The following LATS1 variants were observed in gnomAD, a reference collection of about 807,000 sequenced individuals.
The protein encoded by LATS1 is large tumor suppressor kinase 1.
A neutral mutation model predicts 106.6 loss-of-function variants in LATS1; 25 were observed. The ratio of observed to expected loss-of-function variants is 0.23; its 90% confidence interval spans 0.17 to 0.33. LATS1 has a LOEUF of 0.33. Ranked by LOEUF, LATS1 falls within the 10% of genes least tolerant of loss-of-function variation. The pLI, the probability that LATS1 is intolerant of heterozygous loss-of-function variation, is 1.00. For synonymous variants in LATS1, 465 were observed against 455.6 expected (o/e 1.02, Z -0.26); for missense variants, 1,040 against 1,382.6 (o/e 0.75, Z 3.93).
Position 149,661,759 on chromosome 6 carries a change from C to A in LATS1, c.3363G>T (p.Glu1121Asp), listed in dbSNP as rs758389439. ...CATATACTAGATCGCGATTTTTAATCTCTGAGCCTGTGTTTTGATCATCTT... is the reference window on the plus strand; with the variant it reads ...CATATACTAGATCGCGATTTTTAATATCTGAGCCTGTGTTTTGATCATCTT... ...SDEDDQNTGS[E>D]IKNRDLVYV The change falls in exon 8 of 8, where the codon GAG becomes GAT. Residue 1121 changes from glutamate (E) to aspartate (D), a missense_variant. Around this residue, in one of 7 missense-constraint regions of LATS1, gnomAD observed 46 missense variants for 42.4 expected, o/e 1.09. Transcript: ENST00000543571. 7 of 1,580,012 alleles carry A rather than the reference C, an allele frequency of 4.4e-6. No individual in the cohort carries two copies. The highest frequency in any genetic ancestry group is 1.9e-5 in the Admixed American group (1 of 52,700).
chr6:149,664,992 C>A (rs536633220), intron 7 of LATS1, among the ~76,000 whole-genome samples: 1 of 152,148 alleles, frequency 6.6e-6, no homozygotes, highest in Non-Finnish European at 1.5e-5. Context: ...CTGGTAGCAA[C>A]GGAGGTGGCA....
intron 3 of LATS1, among the ~76,000 whole-genome samples, chr6:149,693,736 A>G: frequency 6.6e-6 from 1 of 152,178 alleles, no homozygotes; most frequent in Middle Eastern, 3.2e-3. Context: ...GACAAAAATA[A>G]TAATACCGAG....
In LATS1 at chr6:149,683,059, G is replaced by C. The variant is rs1359409011; in HGVS notation, c.2010+20C>G. On this transcript the variant is annotated intron_variant, in intron 4 of 7. Transcript: ENST00000543571. ...AAACAGATGATTAAGTATAAAAATG[G>C]ACATTTTAAAAGGTTTTACCCGCAT... is the stretch of plus-strand genomic sequence containing the variant. 3 of 1,575,306 alleles carry C rather than the reference G, an allele frequency of 1.9e-6. No homozygotes were observed. In the South Asian group the frequency reaches 3.5e-5, roughly 18 times the overall value.
chr6:149,703,211 G>C (rs1783567970), intron 1 of LATS1, among the ~76,000 whole-genome samples: 1 of 151,996 alleles, frequency 6.6e-6, no homozygotes. Context: ...CTGGCCTCAA[G>C]TGATTCACCT....
At chr6:149,706,259 T>TTGGGAGGCCAAAG (rs1783767675) in intron 1 of LATS1, among the ~76,000 whole-genome samples, 1 of 134,632 alleles carries the variant, frequency 7.4e-6, no homozygotes, top group Admixed American at 7.9e-5. Flanking sequence ...TCCCAACACT[T>TTGGGAGGCCAAAG]TGGGAGGCCA....
rs945263982 is a variant in LATS1, at chr6:149,682,990, G to T, written c.2010+89C>A. ...AATATATTTTATTTAGCTATAAAAA[G>T]AAAGAAAAATACTGGACACAATATT... On this transcript the variant is annotated intron_variant, in intron 4 of 7. Coordinates refer to ENST00000543571, the MANE Select transcript of LATS1 (RefSeq NM_004690.4). 4.9e-6 allele frequency: 5 copies of T among 1,027,512 alleles called. No homozygotes were observed. In the African/African-American group the frequency reaches 4.9e-5, roughly 10 times the overall value. The allele number at this position is 1,027,512 out of a possible 1,614,324, so 63.6% of individuals were successfully genotyped here.
At chr6:149,678,331 G>A (rs1390739388) in intron 5 of LATS1, among the ~76,000 whole-genome samples, 2 of 150,422 alleles carry the variant, frequency 1.3e-5, no homozygotes, top group African/African-American at 4.9e-5. Flanking sequence ...GCAACAGAGC[G>A]AGACTCCGTC....
At chr6:149,680,551 G>A in intron 4 of LATS1, 94 bp from the exon 5 acceptor site, 4 of 816,740 alleles carry the variant, frequency 4.9e-6, no homozygotes, top group South Asian at 1.9e-5. Context: ...TATATTTAAA[G>A]GTTAAATGCA....
At chr6:149,673,502 A>C (rs943087266) in intron 7 of LATS1, among the ~76,000 whole-genome samples, 2 of 151,942 alleles carry the variant, frequency 1.3e-5, no homozygotes, top group African/African-American at 4.8e-5. Context: ...GGGAGAAAGC[A>C]TACAATTTTT....
Position 149,684,075 on chromosome 6 carries a change from A to G in LATS1, c.1014T>C (p.Phe338=), listed in dbSNP as rs1782219461. 6.2e-7 allele frequency: 1 copy of G among 1,614,170 alleles called. No homozygotes were observed. The highest frequency in any genetic ancestry group is 8.5e-7 in the Non-Finnish European group (1 of 1,180,026). Residue 338 remains phenylalanine (F), a synonymous_variant, in exon 4 of 8, where the codon TTT becomes TTC. Transcript: ENST00000543571. ...TTCCAGGTCTCCCTGATGGAAAGTT[A>G]AATTTGCTAGAACTCTGCATGATGA... ...QPIIMQSSSK[F]NFPSGRPGMQ... is the part of the protein sequence containing the mutation.
intron 7 of LATS1, among the ~76,000 whole-genome samples, chr6:149,666,174 T>C (rs1024182365): frequency 5.5e-5 from 8 of 144,418 alleles, no homozygotes; most frequent in African/African-American, 1.8e-4. Flanking sequence ...CAGAGTCTCA[T>C]AACATATTAT....
intron 3 of LATS1, among the ~76,000 whole-genome samples, chr6:149,688,340 G>C (rs969850462): frequency 6.6e-6 from 1 of 151,422 alleles, no homozygotes; most frequent in Non-Finnish European, 1.5e-5. Flanking sequence ...TGGAGTCTTC[G>C]CTTTGTCACC....
intron 7 of LATS1, 112 bp downstream of exon 7, chr6:149,676,148 G>C: frequency 1.3e-6 from 1 of 742,176 alleles, no homozygotes; most frequent in Non-Finnish European, 2.4e-6. Flanking sequence ...CACTGCACCC[G>C]GCCCAAGTTC....
chr6:149,710,491 T>C (rs746704242), intron 1 of LATS1, among the ~76,000 whole-genome samples: 9 of 152,204 alleles, frequency 5.9e-5, no homozygotes, highest in Admixed American at 4.6e-4. Context: ...GTTTTATATA[T>C]GATCTGGCCA....
intron 1 of LATS1, among the ~76,000 whole-genome samples, chr6:149,707,590 C>T (rs988681193): frequency 6.6e-6 from 1 of 152,146 alleles, no homozygotes; most frequent in Non-Finnish European, 1.5e-5. Flanking sequence ...TGATGTAACT[C>T]CTAACATTGA....
At chr6:149,671,754 C>T (rs1478836492) in intron 7 of LATS1, among the ~76,000 whole-genome samples, 1 of 151,962 alleles carries the variant, frequency 6.6e-6, no homozygotes, top group Non-Finnish European at 1.5e-5. Context: ...CCTATATCTA[C>T]AAAAAATCCT....
rs150991618 is a variant in LATS1 at position 149,694,304 on chromosome 6, T to C, written c.496+770A>G. Among the ~76,000 whole-genome samples, 397 of 152,318 alleles carry C rather than the reference T, an allele frequency of 2.6e-3. 1 individual carries two copies. Among genetic ancestry groups the C allele is most frequent in the African/African-American group, 9.1e-3 (377 of 41,578 alleles). On this transcript the variant is annotated intron_variant, in intron 3 of 7. Transcript: ENST00000543571. Reference sequence around the variant, plus strand: ...CCGATGCCCAAAAATGGGAGATTAGTTAAATGAAGTATATGATACATCTTT... The same window carrying C: ...CCGATGCCCAAAAATGGGAGATTAGCTAAATGAAGTATATGATACATCTTT...
chr6:149,667,438 CAAAAAAAAAAAAAA>C (rs1189854950), intron 7 of LATS1, among the ~76,000 whole-genome samples: 4 of 33,958 alleles, frequency 1.2e-4, no homozygotes, highest in East Asian at 1.0e-3. Context: ...GACTGTATCT[CAAAAAAAAAAAAAA>C]AAAAAAAAAA....
intron 7 of LATS1, among the ~76,000 whole-genome samples, chr6:149,668,767 G>T (rs900761565): frequency 6.6e-6 from 1 of 151,832 alleles, no homozygotes; most frequent in Non-Finnish European, 1.5e-5. Flanking sequence ...TTCTTTAAAA[G>T]AACTTGATGG....
Sources: allele counts gnomAD v4.1 joint callset (sites outside exome capture counted in the v4.1 genomes callset), GRCh38; gene constraint gnomAD v4.1.1; regional missense constraint gnomAD v4.1.1; transcripts MANE v1.5; gene names NCBI Gene and HGNC (gene_info 2026-07-23, HGNC 2026-07-21).